Variants in DNAJC17 observed in about 807,000 individuals in gnomAD.
DNAJC17 encodes dnaJ homolog subfamily C member 17.
DNAJC17 carries 35 observed loss-of-function variants against 48.1 expected under a neutral mutation model. The ratio of observed to expected loss-of-function variants is 0.73; its 90% CI spans 0.56 to 0.96. The LOEUF (loss-of-function observed/expected upper bound fraction) is 0.96, where lower values mean the gene tolerates loss of function less well. Among genes scored for constraint, DNAJC17 ranks in the 50% least tolerant of loss-of-function variants. The pLI is 0.00. For missense variants in DNAJC17, 355 were observed against 377.1 expected (o/e 0.94, Z 0.48); for synonymous variants, 117 against 142.7 (o/e 0.82, Z 1.28).
rs1327658559 is a variant in DNAJC17 at position 40,769,179 on chromosome 15, G to A, written c.793-1117C>T. 6.6e-6 allele frequency among the ~76,000 whole-genome samples: 1 copy of A among 152,192 alleles called. No individual in the cohort carries two copies. Among genetic ancestry groups the A allele is most frequent in the East Asian group, 1.9e-4 (1 of 5,200 alleles). ...CCTCTCCCCGGCTGCAGCAGTCCCA[G>A]CTAGGCCGGACTGCTAAGCCTGGCC... On this transcript the variant is annotated intron_variant, in intron 10 of 10. Transcript: ENST00000220496. The surrounding 1 kb of genome is among the most constrained non-coding windows in gnomAD (Gnocchi z 4.2).
chr15:40,795,755 C>T lies in DNAJC17; in HGVS notation c.78+11614G>A, dbSNP rs369322686. On this transcript the variant is annotated intron_variant, in intron 1 of 10. Transcript: ENST00000220496. ...ACTAAAAATACAAAAATTAGCTGGG[C>T]GTGGTGGTGGGCACCTGTAGTCCCA... 1.7e-4 allele frequency among the ~76,000 whole-genome samples: 26 copies of T among 152,178 alleles called. No individual in the cohort carries two copies. In the East Asian group the frequency reaches 4.6e-3, roughly 27 times the overall value.
At chr15:40,803,172 A>G (rs1320487926) in intron 1 of DNAJC17, among the ~76,000 whole-genome samples, 1 of 150,676 alleles carries the variant, frequency 6.6e-6, no homozygotes, top group South Asian at 2.1e-4. Context: ...AAAATCACGC[A>G]TGATTTTCAG....
chr15:40,765,553 C>T lies in DNAJC17; in HGVS notation c.*2387G>A, dbSNP rs974599647. On this transcript the variant is annotated 3_prime_UTR_variant, in exon 11 of 11. Transcript: ENST00000220496. ...CTCCCACCTCAAGCGATCCTCCCAC[C>T]TCAGCCTCAGTAGCTGGAACTATAG... is the stretch of plus-strand genomic sequence containing the variant. The T allele has an allele frequency of 7.4e-6, 2 of 269,988 alleles. No homozygotes were observed. Among genetic ancestry groups the T allele is most frequent in the African/African-American group, 4.4e-5 (2 of 45,412 alleles). 16.7% of individuals were successfully genotyped at this position (269,988 alleles called of 1,614,324 possible).
intron 3 of DNAJC17, 63 bp downstream of exon 3, chr15:40,779,482 G>A: frequency 1.9e-6 from 3 of 1,604,604 alleles, no homozygotes; most frequent in Non-Finnish European, 2.6e-6. Context: ...GAGGACCGAG[G>A]TTGAGAGGCA....
intron 10 of DNAJC17, among the ~76,000 whole-genome samples, chr15:40,768,511 CTA>C (rs1889022082): frequency 6.6e-6 from 1 of 152,214 alleles, no homozygotes; most frequent in African/African-American, 2.4e-5. Flanking sequence ...CTGGCACTCT[CTA>C]TGCCCGGTGC....
At chr15:40,788,575 A>C (rs931183477) in intron 1 of DNAJC17, among the ~76,000 whole-genome samples, 78 of 152,196 alleles carry the variant, frequency 5.1e-4, no homozygotes, top group African/African-American at 1.8e-3. Flanking sequence ...GGGCGCCTGT[A>C]GTCCCAGCTA....
intron 1 of DNAJC17, among the ~76,000 whole-genome samples, chr15:40,780,952 G>A (rs186114684): frequency 0.012 from 1,774 of 151,592 alleles, 27 homozygotes; most frequent in Non-Finnish European, 0.014. Context: ...TAGGAGACCA[G>A]CCTGGCCAAC....
chr15:40,776,879 T>C (rs1040118399), intron 4 of DNAJC17: 1 of 471,242 alleles, frequency 2.1e-6, no homozygotes, highest in Non-Finnish European at 3.9e-6. Context: ...ACCAAGCTGG[T>C]TCTCTCTAGT....
Position 40,767,894 on chromosome 15 carries a change from GTGACGT to G in DNAJC17, c.*40_*45del, listed in dbSNP as rs1888991320. On this transcript the variant is annotated 3_prime_UTR_variant, in exon 11 of 11. Coordinates refer to ENST00000220496, the MANE Select transcript of DNAJC17 (RefSeq NM_018163.3). ...TCTTAAAAAAAAAAAAAATTTATTG[GTGACGT>G]TGAAGAAAAGGGCTGAGGGGTGGAT... 1 of 1,592,916 alleles carries G rather than the reference GTGACGT, an allele frequency of 6.3e-7. No homozygotes were observed. The highest frequency in any genetic ancestry group is 8.5e-7 in the Non-Finnish European group (1 of 1,174,536).
chr15:40,803,534 T>TA (rs1475366619), intron 1 of DNAJC17, among the ~76,000 whole-genome samples: 3 of 152,196 alleles, frequency 2.0e-5, no homozygotes, highest in African/African-American at 7.2e-5. Flanking sequence ...TGCTCCAAAA[T>TA]AGACTGTATG....
intron 9 of DNAJC17, 65 bp from the exon 10 acceptor site, chr15:40,773,902 C>A (rs956252848): frequency 1.4e-6 from 2 of 1,396,740 alleles, no homozygotes; most frequent in Admixed American, 2.1e-5. Flanking sequence ...CTCTCTCTAC[C>A]CCCACAGAGA....
intron 1 of DNAJC17, among the ~76,000 whole-genome samples, chr15:40,790,068 T>C (rs1466199476): frequency 1.3e-5 from 2 of 152,270 alleles, no homozygotes; most frequent in East Asian, 3.9e-4. Flanking sequence ...AACTGTGCTA[T>C]GGTAGTTTTA....
chr15:40,801,030 T>G, intron 1 of DNAJC17, among the ~76,000 whole-genome samples: 1 of 152,154 alleles, frequency 6.6e-6, no homozygotes, highest in East Asian at 1.9e-4. Flanking sequence ...CATTTTACAT[T>G]TGGGGAAAGT....
chr15:40,804,896 G>A (rs1596104952), intron 1 of DNAJC17, among the ~76,000 whole-genome samples: 1 of 152,042 alleles, frequency 6.6e-6, no homozygotes, highest in East Asian at 1.9e-4. Context: ...CAGCTGCTCA[G>A]GAGGCTGAGG....
Position 40,807,409 on chromosome 15 carries a change from T to C in DNAJC17, c.38A>G (p.Tyr13Cys), listed in dbSNP as rs1596109251. 6.2e-7 allele frequency: 1 copy of C among 1,614,262 alleles called. No individual in the cohort carries two copies. The highest frequency in any genetic ancestry group is 1.3e-5 in the African/African-American group (1 of 75,070). Reference protein sequence around the residue: ...VTKELLQMDLYALLGIEEKAA... With the variant: ...VTKELLQMDLCALLGIEEKAA... ...CTTCTCCTCAATGCCTAGCAGCGCGTACAGGTCCATCTGTAAGAGCTCCTT... is the reference window on the plus strand; with the variant it reads ...CTTCTCCTCAATGCCTAGCAGCGCGCACAGGTCCATCTGTAAGAGCTCCTT... Residue 13 changes from tyrosine (Y) to cysteine (C), a missense_variant, in exon 1 of 11, where the codon TAC (tyrosine) becomes TGC (cysteine). This residue lies in a region of DNAJC17 where 199 missense variants were observed against 199.9 expected (regional missense o/e 1.00). Transcript: ENST00000220496.
At chr15:40,796,745 C>A (rs1223867158) in intron 1 of DNAJC17, among the ~76,000 whole-genome samples, 1 of 152,118 alleles carries the variant, frequency 6.6e-6, no homozygotes, top group Non-Finnish European at 1.5e-5. Context: ...AGTTCTCCTT[C>A]TGGGTATATA....
chr15:40,786,144 A>G (rs1445500070), intron 1 of DNAJC17, among the ~76,000 whole-genome samples: 1 of 152,232 alleles, frequency 6.6e-6, no homozygotes, highest in South Asian at 2.1e-4. Flanking sequence ...TCCGGTCTCA[A>G]TATTGTTTAT....
intron 1 of DNAJC17, among the ~76,000 whole-genome samples, chr15:40,795,240 T>G: frequency 8.6e-6 from 1 of 116,760 alleles, no homozygotes. Context: ...GAGAGGGAGA[T>G]GGTGTCTCAA....
Position 40,802,017 on chromosome 15 carries a change from G to A in DNAJC17, c.78+5352C>T, listed in dbSNP as rs1890088623. ...ATTATTTGGGAGGCTGACTCATCAG[G>A]ACCCGGTGATGTTCTAGATGGCAGG... On this transcript the variant is annotated intron_variant, in intron 1 of 10. Transcript: ENST00000220496. Among the ~76,000 whole-genome samples, 3 of 152,092 alleles carry A rather than the reference G, an allele frequency of 2.0e-5. No homozygotes were observed. The South Asian group carries it at 6.2e-4, about 32-fold the overall frequency.
Sources: gnomAD v4.1 joint callset for allele counts (sites outside exome capture counted in the v4.1 genomes callset) on GRCh38, gnomAD v4.1.1 for gene constraint, gnomAD v4.1.1 regional missense constraint, Gnocchi (gnomAD v3.1) non-coding constraint, MANE v1.5 for transcripts, NCBI Gene and HGNC (gene_info 2026-07-23, HGNC 2026-07-21) for gene names.